The following ZNF41 variants were observed in gnomAD, a reference collection of about 807,000 sequenced individuals.
The protein encoded by ZNF41 is zinc finger protein 41.
Under a neutral mutation model 9.3 loss-of-function variants are expected in ZNF41, and 6 were observed. That is an observed-to-expected ratio of 0.65 (90% CI 0.35 to 1.28). The LOEUF (loss-of-function observed/expected upper bound fraction) is 1.28, where lower values mean the gene tolerates loss of function less well. Ranked by LOEUF, ZNF41 falls within the 50% of genes most tolerant of loss-of-function variation. The pLI is 0.03. For missense variants in ZNF41, 523 were observed against 585.8 expected (o/e 0.89, Z 1.11); for synonymous variants, 192 against 207.1 (o/e 0.93, Z 0.63).
Position 47,449,359 on chromosome X carries a change from C to T in ZNF41, c.411G>A (p.Leu137=). ...EDSLCSILEE[L]WQDNDQLEQR... ...GCTCTAGCTGGTCATTATCTTGCCA[C>T]AGTTCTTCTAAAATAGAACATAATG... is the stretch of plus-strand genomic sequence containing the variant. Residue 137 remains leucine, a synonymous_variant, in exon 5 of 5, where the codon CTG becomes CTA. Transcript: ENST00000684689. The T allele has an allele frequency of 8.3e-7, 1 of 1,211,778 alleles. No individual in the cohort carries two copies. Among genetic ancestry groups the T allele is most frequent in the Non-Finnish European group, 1.1e-6 (1 of 895,528 alleles).
intron 2 of ZNF41, among the ~76,000 whole-genome samples, chrX:47,459,412 G>A (rs2056693544): frequency 9.1e-6 from 1 of 109,354 alleles, no homozygotes; most frequent in African/African-American, 3.3e-5. Context: ...TATGCCAAAG[G>A]TGTCCAGGCA....
rs2056089657 is a variant in ZNF41 at position 47,445,573 on chromosome X, T to C, written c.*1857A>G. Among the ~76,000 whole-genome samples, 1 of 112,463 alleles carries C rather than the reference T, an allele frequency of 8.9e-6. No individual in the cohort carries two copies. Among genetic ancestry groups the C allele is most frequent in the African/African-American group, 3.2e-5 (1 of 30,977 alleles). On this transcript the variant is annotated 3_prime_UTR_variant, in exon 5 of 5. Coordinates refer to ENST00000684689, the MANE Select transcript of ZNF41 (RefSeq NM_001324144.2). ...CTCGCATACTGGGTTGGTGGGAGTG[T>C]ACATTGGTACAACCACTTGAAAACT...
At chrX:47,454,423 A>G (rs1403566906) in intron 4 of ZNF41, among the ~76,000 whole-genome samples, 1 of 111,764 alleles carries the variant, frequency 8.9e-6, no homozygotes, top group Non-Finnish European at 1.9e-5. Context: ...ACTAATTGTT[A>G]GCAGAAACAC....
chrX:47,469,228 G>A (rs867820427), intron 1 of ZNF41, among the ~76,000 whole-genome samples: 23 of 94,150 alleles, frequency 2.4e-4, no homozygotes, highest in African/African-American at 6.1e-4. Flanking sequence ...GGAGAATGGC[G>A]TGAACCCGGG....
intron 1 of ZNF41, among the ~76,000 whole-genome samples, chrX:47,480,358 G>A (rs2057440128): frequency 9.0e-6 from 1 of 111,129 alleles, no homozygotes; most frequent in African/African-American, 3.3e-5. Flanking sequence ...TGGAAAATTA[G>A]CTATCCAAAT....
intron 1 of ZNF41, among the ~76,000 whole-genome samples, chrX:47,472,083 T>G (rs1377717633): frequency 9.0e-6 from 1 of 111,509 alleles, no homozygotes; most frequent in Non-Finnish European, 1.9e-5. Flanking sequence ...AAAAACTGTT[T>G]GGTAGTATCT....
At chrX:47,467,229 G>T in intron 2 of ZNF41, 181 bp downstream of exon 2, 1 of 995,420 alleles carries the variant, frequency 1.0e-6, no homozygotes, top group Non-Finnish European at 1.4e-6. Context: ...CTTTGGATGT[G>T]GCCTCATCAG....
chrX:47,469,345 C>A (rs6520272), intron 1 of ZNF41, among the ~76,000 whole-genome samples: 26,493 of 74,013 alleles, frequency 0.36, 3,203 homozygotes, highest in South Asian at 0.55. Context: ...AAAAAAAAGA[C>A]AGACAATTTT....
chrX:47,462,360 G>A (rs5952434), intron 2 of ZNF41, among the ~76,000 whole-genome samples: 1,635 of 110,253 alleles, frequency 0.015, 27 homozygotes, highest in African/African-American at 0.051. Context: ...TTTGCTGGTC[G>A]TTGTTCCCTC....
At chrX:47,456,080 C>A in intron 3 of ZNF41, 64 bp from the exon 4 acceptor site, 1 of 1,105,224 alleles carries the variant, frequency 9.0e-7, no homozygotes, top group Non-Finnish European at 1.3e-6. Flanking sequence ...CTTTCAGTGA[C>A]ACTTTCCCTT....
At position 47,467,630 on chromosome X, in the gene ZNF41, A is replaced by C. The variant is rs2057035808; in HGVS notation, c.-149T>G. 1.6e-6 allele frequency: 1 copy of C among 643,764 alleles called. No individual in the cohort carries two copies. The highest frequency in any genetic ancestry group is 3.5e-5 in the East Asian group (1 of 28,208). 53.1% of individuals were successfully genotyped at this position (643,764 alleles called of 1,213,427 possible). A position where few individuals can be genotyped will look rare whatever the true frequency, so the allele number is the denominator to read the frequency against. ...AAGGAAGATCCTGCAGTTTCCACTA[A>C]GAAGCCTGGCCCCCAGACTCTGCAG... On this transcript the variant is annotated 5_prime_UTR_variant, in exon 2 of 5. Transcript: ENST00000684689.
chrX:47,457,064 A>AT (rs745945025), intron 2 of ZNF41, among the ~76,000 whole-genome samples: 3 of 112,007 alleles, frequency 2.7e-5, no homozygotes, highest in Non-Finnish European at 3.8e-5. Flanking sequence ...ATGGACTGCA[A>AT]TTTATATGCA....
intron 1 of ZNF41, among the ~76,000 whole-genome samples, chrX:47,476,119 G>A (rs766430355): frequency 4.5e-5 from 5 of 111,269 alleles, no homozygotes; most frequent in South Asian, 3.8e-4. Context: ...TTGGGAGGTC[G>A]AGGCAGGCGG....
chrX:47,472,867 C>T (rs1458301587), intron 1 of ZNF41, among the ~76,000 whole-genome samples: 4 of 108,167 alleles, frequency 3.7e-5, no homozygotes, highest in Admixed American at 1.0e-4. Context: ...GGATTACAGG[C>T]GTCTGCCACC....
intron 1 of ZNF41, among the ~76,000 whole-genome samples, chrX:47,470,411 CAAAAA>C (rs58574926): frequency 5.3e-5 from 2 of 37,675 alleles, no homozygotes; most frequent in African/African-American, 1.0e-4. Context: ...GACTCCGTCT[CAAAAA>C]AAAAAAAAAA....
In ZNF41 at chrX:47,467,524, C is replaced by T; in HGVS notation, c.-43G>A. On this transcript the variant is annotated 5_prime_UTR_variant, in exon 2 of 5. Transcript: ENST00000684689. Reference sequence around the variant, plus strand: ...GCCCTCAGGCTCTCCTGCTGACAACCCCACTCTTCCCCAAGCTGGAAGCTG... The same window carrying T: ...GCCCTCAGGCTCTCCTGCTGACAACTCCACTCTTCCCCAAGCTGGAAGCTG... 1 of 1,162,729 alleles carries T rather than the reference C, an allele frequency of 8.6e-7. No homozygotes were observed. Among genetic ancestry groups the T allele is most frequent in the Non-Finnish European group, 1.2e-6 (1 of 868,305 alleles).
chrX:47,465,991 T>C (rs2056969344), intron 2 of ZNF41, among the ~76,000 whole-genome samples: 1 of 110,799 alleles, frequency 9.0e-6, no homozygotes, highest in Non-Finnish European at 1.9e-5. Flanking sequence ...TGTGTATGTG[T>C]ATAGTATGTA....
chrX:47,465,934 TG>T (rs2056967394), intron 2 of ZNF41, among the ~76,000 whole-genome samples: 2 of 112,223 alleles, frequency 1.8e-5, no homozygotes, highest in African/African-American at 6.5e-5. Context: ...CAGTTAAAAA[TG>T]AGGTAACCAA....
chrX:47,478,890 G>A (rs1184893793), intron 1 of ZNF41, among the ~76,000 whole-genome samples: 1 of 107,902 alleles, frequency 9.3e-6, no homozygotes, highest in Non-Finnish European at 1.9e-5. Context: ...ACTGAGATCC[G>A]GCCACTGCAC....
Sources: gnomAD v4.1 joint callset for allele counts (sites outside exome capture counted in the v4.1 genomes callset) on GRCh38, gnomAD v4.1.1 for gene constraint, MANE v1.5 for transcripts, NCBI Gene and HGNC (gene_info 2026-07-23, HGNC 2026-07-21) for gene names.